The following MTUS2 variants were observed in gnomAD, a reference collection of about 807,000 sequenced individuals.
MTUS2 encodes the protein microtubule-associated tumor suppressor candidate 2.
In MTUS2, 40 loss-of-function variants were observed where a neutral mutation model predicts 114.1. The observed-to-expected ratio is 0.35, with a 90% CI of 0.27 to 0.46. The LOEUF is 0.46. Among genes scored for constraint, MTUS2 ranks in the 20% least tolerant of loss-of-function variants. The pLI is 1.00. For missense variants in MTUS2, 1,679 were observed against 1,705.4 expected, an observed-to-expected ratio of 0.98 and a Z score of 0.27; for synonymous variants, 688 against 672.0, an observed-to-expected ratio of 1.02 and a Z score of -0.37.
intron 8 of MTUS2, among the ~76,000 whole-genome samples, chr13:29,363,475 A>G (rs957399734): frequency 1.1e-4 from 16 of 152,198 alleles, no homozygotes; most frequent in Non-Finnish European, 2.1e-4. Context: ...TTACTAAAAA[A>G]TTAATAATTC....
intron 2 of MTUS2, among the ~76,000 whole-genome samples, chr13:28,983,434 T>C (rs1884445931): frequency 6.6e-6 from 1 of 152,340 alleles, no homozygotes; most frequent in Admixed American, 6.5e-5. Context: ...GCACACTGGA[T>C]TCTGGAGCCT....
intron 8 of MTUS2, among the ~76,000 whole-genome samples, chr13:29,412,616 C>T (rs1176210803): frequency 6.6e-6 from 1 of 152,132 alleles, no homozygotes; most frequent in African/African-American, 2.4e-5. Flanking sequence ...AGGACAAGTG[C>T]AGTGACTCAT....
chr13:29,501,851 ACT>A (rs1269974596), intron 15 of MTUS2, among the ~76,000 whole-genome samples: 2 of 125,036 alleles, frequency 1.6e-5, no homozygotes, highest in African/African-American at 5.9e-5. Context: ...GGCACTGCTC[ACT>A]CACACACACA....
rs1745725499 is a variant in MTUS2, at chr13:29,041,681, C to A, written c.2446+7556C>A. Among the ~76,000 whole-genome samples, 8 of 151,730 alleles carry A rather than the reference C, an allele frequency of 5.3e-5. No homozygotes were observed. In the South Asian group the frequency reaches 1.7e-3, roughly 32 times the overall value. ...CCCCTCTTTGGTTAGGTGTAATATACTCCTGAATGTTCTGTTGTGTTTATT... is the reference window on the plus strand; with the variant it reads ...CCCCTCTTTGGTTAGGTGTAATATAATCCTGAATGTTCTGTTGTGTTTATT... On this transcript the variant is annotated intron_variant, in intron 4 of 15. Coordinates refer to ENST00000612955, the MANE Select transcript of MTUS2 (RefSeq NM_001033602.4).
intron 2 of MTUS2, among the ~76,000 whole-genome samples, chr13:28,932,907 A>C (rs920696053): frequency 6.6e-6 from 1 of 152,174 alleles, no homozygotes; most frequent in African/African-American, 2.4e-5. Flanking sequence ...GATATAAATA[A>C]ATTGCAGCTA....
intron 5 of MTUS2, among the ~76,000 whole-genome samples, chr13:29,263,655 A>C (rs1897559247): frequency 6.6e-6 from 1 of 152,138 alleles, no homozygotes; most frequent in Admixed American, 6.5e-5. Flanking sequence ...CACATGGCAG[A>C]AACAGGAGCA....
chr13:29,455,593 T>A (rs1879045933), intron 9 of MTUS2, among the ~76,000 whole-genome samples: 1 of 152,172 alleles, frequency 6.6e-6, no homozygotes, highest in African/African-American at 2.4e-5. Context: ...ACCAACTCCC[T>A]GCAATACATC....
chr13:29,449,545 G>A (rs1055407541), intron 9 of MTUS2, among the ~76,000 whole-genome samples: 57 of 152,162 alleles, frequency 3.7e-4, no homozygotes, highest in African/African-American at 1.3e-3. Context: ...AGAAAACTGA[G>A]GGTCAGAAAG....
At chr13:29,165,461 T>G (rs1893278460) in intron 5 of MTUS2, among the ~76,000 whole-genome samples, 1 of 152,236 alleles carries the variant, frequency 6.6e-6, no homozygotes, top group South Asian at 2.1e-4. Context: ...CATAGTTGCT[T>G]AAGAGCTGGG....
At chr13:29,004,978 A>G (rs1317519943) in intron 2 of MTUS2, among the ~76,000 whole-genome samples, 1 of 152,192 alleles carries the variant, frequency 6.6e-6, no homozygotes, top group African/African-American at 2.4e-5. Flanking sequence ...TGCAGAGTAA[A>G]GGAGGACTTC....
At chr13:29,267,145 T>G (rs1382476773) in intron 5 of MTUS2, among the ~76,000 whole-genome samples, 1 of 152,120 alleles carries the variant, frequency 6.6e-6, no homozygotes, top group Non-Finnish European at 1.5e-5. Context: ...GTGAAGTCCA[T>G]GAGGGAAACA....
chr13:29,175,658 G>A (rs7985618), intron 5 of MTUS2, among the ~76,000 whole-genome samples: 112,803 of 152,100 alleles, frequency 0.74, 41,935 homozygotes, highest in East Asian at 0.8. Context: ...ATTGCTTTTG[G>A]GCAAGACAAT....
intron 4 of MTUS2, among the ~76,000 whole-genome samples, chr13:29,083,097 C>T (rs1003523206): frequency 6.6e-6 from 1 of 152,156 alleles, no homozygotes; most frequent in African/African-American, 2.4e-5. Flanking sequence ...ATTTTTGGTG[C>T]TGATACAATC....
intron 4 of MTUS2, among the ~76,000 whole-genome samples, chr13:29,096,633 A>C (rs1461449604): frequency 6.6e-6 from 1 of 152,148 alleles, no homozygotes; most frequent in African/African-American, 2.4e-5. Context: ...AACTTCCCTC[A>C]CAGTTTGTTC....
At chr13:29,150,973 G>T (rs532422136) in intron 5 of MTUS2, among the ~76,000 whole-genome samples, 73 of 152,276 alleles carry the variant, frequency 4.8e-4, no homozygotes, top group African/African-American at 1.7e-3. Flanking sequence ...GTCAGGTAGT[G>T]TGATATCTAT....
intron 12 of MTUS2, among the ~76,000 whole-genome samples, chr13:29,493,881 G>A (rs1882358980): frequency 6.6e-6 from 1 of 152,220 alleles, no homozygotes; most frequent in Non-Finnish European, 1.5e-5. Flanking sequence ...ACTGACACCA[G>A]ATGGTCCTGA....
At chr13:28,918,200 C>T (rs1880852341) in intron 2 of MTUS2, among the ~76,000 whole-genome samples, 1 of 151,872 alleles carries the variant, frequency 6.6e-6, no homozygotes, top group African/African-American at 2.4e-5. Context: ...ATTTGATCTA[C>T]AGTGCAGATT....
intron 12 of MTUS2, among the ~76,000 whole-genome samples, chr13:29,495,783 A>T (rs1254269332): frequency 6.6e-6 from 1 of 152,026 alleles, no homozygotes; most frequent in Admixed American, 6.6e-5. Context: ...AGATGGGAGG[A>T]TCACTTGAGT....
rs1566173295 is a variant in MTUS2 at position 29,389,497 on chromosome 13, A to ACACGTGTGTGTG, written c.3117+30024_3117+30025insCACGTGTGTGTG. 1.5e-4 allele frequency among the ~76,000 whole-genome samples: 16 copies of ACACGTGTGTGTG among 108,612 alleles called. 1 individual carries two copies. The highest frequency in any genetic ancestry group is 4.3e-4 in the African/African-American group (13 of 30,336). 71.3% of individuals were successfully genotyped at this position (108,612 alleles called of 152,430 possible). ...TGTATACACGTGTGTGTATGTGTAT[A>ACACGTGTGTGTG]TATGTATACACGTGTGTGTATGTGT... On this transcript the variant is annotated intron_variant, in intron 8 of 15. Transcript: ENST00000612955.
Sources: gnomAD v4.1 joint callset for allele counts (sites outside exome capture counted in the v4.1 genomes callset) on GRCh38, gnomAD v4.1.1 for gene constraint, MANE v1.5 for transcripts, NCBI Gene and HGNC (gene_info 2026-07-23, HGNC 2026-07-21) for gene names.